ARB2A: variants seen among roughly 807,000 people sequenced by gnomAD.
ARB2A encodes ARB2 cotranscriptional regulator A, also known as cotranscriptional regulator ARB2A.
chr5:93,697,220 G>A, the ARB2A span, among the ~76,000 whole-genome samples: 2 of 151,550 alleles, frequency 1.3e-5, no homozygotes, highest in Non-Finnish European at 2.9e-5. Flanking sequence ...AATGAGATAG[G>A]TTCATCTCAT....
chr5:94,049,826 CAAAACA>C, the ARB2A span, among the ~76,000 whole-genome samples: 1 of 152,010 alleles, frequency 6.6e-6, no homozygotes, highest in Non-Finnish European at 1.5e-5. Flanking sequence ...GTCTCAAAAA[CAAAACA>C]AAATTTAAAA....
chr5:93,775,872 A>C, the ARB2A span, among the ~76,000 whole-genome samples: 2 of 152,200 alleles, frequency 1.3e-5, no homozygotes, highest in Non-Finnish European at 2.9e-5. Context: ...CTTGTTGTTT[A>C]GGTATTCATA....
the ARB2A span, among the ~76,000 whole-genome samples, chr5:93,926,360 T>C: frequency 2.6e-5 from 4 of 152,110 alleles, no homozygotes; most frequent in Admixed American, 2.6e-4. Context: ...CTCGAACTCC[T>C]GACCTCAGGT....
the ARB2A span, among the ~76,000 whole-genome samples, chr5:93,704,431 G>A: frequency 6.6e-6 from 1 of 152,174 alleles, no homozygotes; most frequent in African/African-American, 2.4e-5. Context: ...GGGCCTTGTG[G>A]CATGCACCTG....
chr5:93,645,337 G>T, the ARB2A span, among the ~76,000 whole-genome samples: 1 of 152,138 alleles, frequency 6.6e-6, no homozygotes, highest in Admixed American at 6.5e-5. Context: ...ACTTTGGGAG[G>T]CCAAGGCAGG....
chr5:93,789,706 A>G, the ARB2A span, among the ~76,000 whole-genome samples: 95 of 152,170 alleles, frequency 6.2e-4, 1 homozygote, highest in African/African-American at 2.0e-3. Flanking sequence ...TTATCAGTCA[A>G]CTCTGGGTTT....
chr5:93,884,643 C>T, the ARB2A span, among the ~76,000 whole-genome samples: 8 of 151,476 alleles, frequency 5.3e-5, no homozygotes, highest in Non-Finnish European at 1.2e-4. Context: ...TTTCAGATTG[C>T]CAATTTAATT....
the ARB2A span, among the ~76,000 whole-genome samples, chr5:93,975,373 T>C: frequency 6.6e-6 from 1 of 150,518 alleles, no homozygotes; most frequent in Admixed American, 6.6e-5. Flanking sequence ...AACCTATCCT[T>C]GCACCTAAGG....
chr5:93,879,721 A>T, the ARB2A span, among the ~76,000 whole-genome samples: 1 of 151,934 alleles, frequency 6.6e-6, no homozygotes, highest in Non-Finnish European at 1.5e-5. Flanking sequence ...AATAGGAAGA[A>T]ATAAACTTAC....
chr5:93,781,444 T>A, the ARB2A span, among the ~76,000 whole-genome samples: 1 of 152,222 alleles, frequency 6.6e-6, no homozygotes, highest in African/African-American at 2.4e-5. Flanking sequence ...CTTTGATGGA[T>A]GCTTAGGTTG....
At chr5:94,029,237 C>A in the ARB2A span, among the ~76,000 whole-genome samples, 1 of 152,290 alleles carries the variant, frequency 6.6e-6, no homozygotes, top group East Asian at 1.9e-4. Context: ...AGTGATTCAC[C>A]CGCCTCAGCC....
the ARB2A span, among the ~76,000 whole-genome samples, chr5:93,909,996 C>T: frequency 6.6e-6 from 1 of 150,876 alleles, no homozygotes; most frequent in Admixed American, 6.6e-5. Flanking sequence ...AAAAATCTAA[C>T]TTCCTTACTT....
At chr5:93,802,854 G>C in the ARB2A span, among the ~76,000 whole-genome samples, 1 of 151,998 alleles carries the variant, frequency 6.6e-6, no homozygotes. Context: ...AGTTTTTAAA[G>C]AAGCATAATG....
chr5:93,865,472 G>A, the ARB2A span: 3 of 984,566 alleles, frequency 3.0e-6, no homozygotes, highest in Non-Finnish European at 3.6e-6. Context: ...GTACATAATC[G>A]ATGAAGGTAT....
At chr5:93,955,776 T>C in the ARB2A span, among the ~76,000 whole-genome samples, 1 of 152,212 alleles carries the variant, frequency 6.6e-6, no homozygotes, top group South Asian at 2.1e-4. Context: ...CTGGCCCACA[T>C]TGCTATGGAA....
the ARB2A span, among the ~76,000 whole-genome samples, chr5:94,086,611 G>A: frequency 6.6e-6 from 1 of 152,172 alleles, no homozygotes; most frequent in Non-Finnish European, 1.5e-5. Flanking sequence ...GGAGTGCAAT[G>A]GCACGATCTC....
At chr5:93,858,721 A>T in the ARB2A span, among the ~76,000 whole-genome samples, 1 of 152,240 alleles carries the variant, frequency 6.6e-6, no homozygotes, top group African/African-American at 2.4e-5. Flanking sequence ...TGAGAGGTGA[A>T]ATATTAAAAT....
chr5:93,917,546 G>A, the ARB2A span, among the ~76,000 whole-genome samples: 1 of 151,818 alleles, frequency 6.6e-6, no homozygotes. Context: ...TGTCATTACT[G>A]CAAAGAAAAA....
chr5:93,709,651 A>AC, the ARB2A span, among the ~76,000 whole-genome samples: 3 of 149,960 alleles, frequency 2.0e-5, no homozygotes, highest in African/African-American at 7.3e-5. Flanking sequence ...AAAAAAAAAA[A>AC]AAAAAACCAT....
Sources: gnomAD v4.1 joint callset for allele counts (sites outside exome capture counted in the v4.1 genomes callset) on GRCh38, gnomAD v4.1.1 for gene constraint, MANE v1.5 for transcripts, NCBI Gene and HGNC (gene_info 2026-07-23, HGNC 2026-07-21) for gene names.